Variants in DLGAP2 observed in about 807,000 individuals in gnomAD.
The protein encoded by DLGAP2 is DLG associated protein 2.
In DLGAP2, 26 loss-of-function variants were observed where a neutral mutation model predicts 100.3. The ratio of observed to expected loss-of-function variants is 0.26; its 90% CI spans 0.19 to 0.36. The LOEUF is 0.36. DLGAP2 is among the 10% of genes least tolerant of loss of function. DLGAP2 has a pLI of 1.00. For missense variants in DLGAP2, 1,858 were observed against 1,453.2 expected (o/e 1.28, Z -4.53); for synonymous variants, 886 against 630.1 (o/e 1.41, Z -6.08).
intron 8 of DLGAP2, among the ~76,000 whole-genome samples, chr8:1,655,584 G>C (rs550718383): frequency 1.3e-5 from 2 of 150,020 alleles, no homozygotes; most frequent in South Asian, 4.5e-4. Context: ...AGAATTCCAG[G>C]TGTAGAAGGA....
At chr8:1,042,297 A>T (rs1802376752) in intron 2 of DLGAP2, among the ~76,000 whole-genome samples, 1 of 152,204 alleles carries the variant, frequency 6.6e-6, no homozygotes. Flanking sequence ...CAAGATCATG[A>T]TCCATGAGGG....
In DLGAP2 at chr8:1,549,236, C is replaced by A. The variant is rs1364831899; in HGVS notation, c.783C>A (p.Gly261=). The change falls in exon 5 of 15, where the codon GGC becomes GGA. Residue 261 remains glycine, a synonymous_variant. Coordinates refer to ENST00000637795, the MANE Select transcript of DLGAP2 (RefSeq NM_001346810.2). ...ACGCCAACGGCACCAAGGCGGACGGCCGGGCGGACGACCACCACCACGCCC... is the reference window on the plus strand; with the variant it reads ...ACGCCAACGGCACCAAGGCGGACGGACGGGCGGACGACCACCACCACGCCC... ...KSNANGTKAD[G]RADDHHHAHH... is the part of the protein sequence containing the mutation. The A allele has an allele frequency of 1.2e-6, 2 of 1,606,098 alleles. No homozygotes were observed. Among genetic ancestry groups the A allele is most frequent in the East Asian group, 2.2e-5 (1 of 44,474 alleles).
intron 1 of DLGAP2, among the ~76,000 whole-genome samples, chr8:785,014 T>G (rs1821799478): frequency 6.6e-6 from 1 of 151,812 alleles, no homozygotes; most frequent in South Asian, 2.1e-4. Flanking sequence ...GAGACCATCC[T>G]GGCTAACATG....
chr8:1,490,924 A>C (rs539291466), intron 3 of DLGAP2, among the ~76,000 whole-genome samples: 2 of 151,052 alleles, frequency 1.3e-5, no homozygotes, highest in Admixed American at 1.3e-4. Context: ...ATCTAATGCT[A>C]AATGATGAGT....
chr8:1,615,134 C>A (rs924702727), intron 6 of DLGAP2, among the ~76,000 whole-genome samples: 6 of 152,120 alleles, frequency 3.9e-5, no homozygotes, highest in African/African-American at 1.4e-4. Flanking sequence ...TGGAGGGAGA[C>A]CCCAAAGTCT....
intron 1 of DLGAP2, chr8:738,090 G>C (rs1820366844): frequency 3.8e-6 from 1 of 263,902 alleles, no homozygotes. Context: ...CTGGGCTCCG[G>C]GGGTGCGGGA....
At chr8:1,503,067 G>T (rs549300065) in intron 4 of DLGAP2, among the ~76,000 whole-genome samples, 1 of 152,210 alleles carries the variant, frequency 6.6e-6, no homozygotes, top group Non-Finnish European at 1.5e-5. Context: ...AGTGAGCATC[G>T]AGGGATGAGG....
At chr8:1,332,508 T>C (rs896918911) in intron 3 of DLGAP2, among the ~76,000 whole-genome samples, 11 of 152,182 alleles carry the variant, frequency 7.2e-5, no homozygotes, top group Admixed American at 5.2e-4. Context: ...TGTACTCATA[T>C]CTGCACGTGT....
chr8:1,437,359 C>T (rs1489768458), intron 3 of DLGAP2, among the ~76,000 whole-genome samples: 1 of 152,240 alleles, frequency 6.6e-6, no homozygotes, highest in Non-Finnish European at 1.5e-5. Flanking sequence ...GGCCACCTTA[C>T]GTTTCTCTGA....
Position 1,189,069 on chromosome 8 carries a change from C to T in DLGAP2, c.74-69782C>T, listed in dbSNP as rs377136528. Among the ~76,000 whole-genome samples, 65 of 148,086 alleles carry T rather than the reference C, an allele frequency of 4.4e-4. 1 individual carries two copies. The highest frequency in any genetic ancestry group is 1.9e-3 in the Admixed American group (28 of 15,070). ...GTTGGGGTTGAGCATACACAGGGTT[C>T]GGGCCCCAGGCCGGTTCCGCGGTTG... On this transcript the variant is annotated intron_variant, in intron 2 of 14. Transcript: ENST00000637795.
At chr8:1,586,535 C>T (rs1003458290) in intron 6 of DLGAP2, among the ~76,000 whole-genome samples, 9 of 152,220 alleles carry the variant, frequency 5.9e-5, no homozygotes, top group African/African-American at 2.2e-4. Context: ...ATTCTCACTA[C>T]CCCGGGGTCT....
chr8:1,060,005 A>C (rs903890753), intron 2 of DLGAP2, among the ~76,000 whole-genome samples: 1 of 152,142 alleles, frequency 6.6e-6, no homozygotes, highest in Non-Finnish European at 1.5e-5. Context: ...GACAGCAAGC[A>C]AGTGGTCGCT....
At chr8:1,546,168 G>A (rs989722118) in intron 4 of DLGAP2, among the ~76,000 whole-genome samples, 12 of 152,140 alleles carry the variant, frequency 7.9e-5, no homozygotes, top group African/African-American at 2.2e-4. Flanking sequence ...AGACGCCGCC[G>A]GCCATTACAG....
chr8:1,340,170 G>T (rs1406890663), intron 3 of DLGAP2, among the ~76,000 whole-genome samples: 1 of 152,120 alleles, frequency 6.6e-6, no homozygotes, highest in Non-Finnish European at 1.5e-5. Flanking sequence ...CTGGACATGG[G>T]AACTGGCAAA....
chr8:1,041,036 A>G (rs926850552), intron 2 of DLGAP2, among the ~76,000 whole-genome samples: 1 of 152,174 alleles, frequency 6.6e-6, no homozygotes, highest in Non-Finnish European at 1.5e-5. Context: ...GTGAGTGAGG[A>G]TGGCATCTTG....
chr8:1,309,824 G>A (rs781574419), intron 3 of DLGAP2, among the ~76,000 whole-genome samples: 2 of 152,238 alleles, frequency 1.3e-5, no homozygotes, highest in Non-Finnish European at 1.5e-5. Context: ...GCCGGGCGCC[G>A]TGGCTGACGC....
At chr8:1,668,183 C>G (rs1321437161) in intron 8 of DLGAP2, 146 bp from the exon 9 acceptor site, 28 of 670,914 alleles carry the variant, frequency 4.2e-5, no homozygotes, top group Non-Finnish European at 6.2e-5. Flanking sequence ...GTCTCACTGT[C>G]CCCTCATTTC....
At chr8:850,090 G>C (rs953244186) in intron 1 of DLGAP2, among the ~76,000 whole-genome samples, 2 of 149,738 alleles carry the variant, frequency 1.3e-5, no homozygotes, top group African/African-American at 4.9e-5. Context: ...TAGGTTGTTT[G>C]TATTTTAATG....
chr8:1,327,772 A>T (rs918014705), intron 3 of DLGAP2, among the ~76,000 whole-genome samples: 2 of 152,310 alleles, frequency 1.3e-5, no homozygotes, highest in Admixed American at 1.3e-4. Flanking sequence ...TGAACCCAGG[A>T]GGGGGAGCTT....
Sources: gnomAD v4.1 joint callset for allele counts (sites outside exome capture counted in the v4.1 genomes callset) on GRCh38, gnomAD v4.1.1 for gene constraint, MANE v1.5 for transcripts, NCBI Gene and HGNC (gene_info 2026-07-23, HGNC 2026-07-21) for gene names.